RGS6: variants seen among roughly 807,000 people sequenced by gnomAD.
RGS6 encodes regulator of G protein signaling 6, also known as regulator of G-protein signaling 6.
In RGS6, 30 loss-of-function variants were observed where a neutral mutation model predicts 78.5. The observed-to-expected ratio is 0.38, with a 90% CI of 0.29 to 0.52. The LOEUF is 0.52. Ranked by LOEUF, RGS6 falls within the 20% of genes least tolerant of loss-of-function variation. The probability of loss-of-function intolerance (pLI) is 0.85; values close to 1 mark genes in which losing one functional copy is unlikely to be tolerated. For missense variants in RGS6, 495 were observed against 609.7 expected, an observed-to-expected ratio of 0.81 and a Z score of 1.98; for synonymous variants, 206 against 206.0, an observed-to-expected ratio of 1.00 and a Z score of 0.00.
At chr14:72,122,736 T>A (rs75329418) in intron 2 of RGS6, among the ~76,000 whole-genome samples, 10,039 of 145,658 alleles carry the variant, frequency 0.069, 402 homozygotes, top group Non-Finnish European at 0.097. Flanking sequence ...GGTTCTAAGT[T>A]ATCGTTTTTT....
At chr14:71,885,120 C>T in the RGS6 span, among the ~76,000 whole-genome samples, 2 of 152,194 alleles carry the variant, frequency 1.3e-5, no homozygotes, top group Non-Finnish European at 2.9e-5. Context: ...TTCCTTTACC[C>T]TCTTGAACCC....
chr14:71,924,342 C>CA, the RGS6 span, among the ~76,000 whole-genome samples: 1 of 152,314 alleles, frequency 6.6e-6, no homozygotes, highest in African/African-American at 2.4e-5. Context: ...ATCATTACTA[C>CA]AGTCAAGCAA....
chr14:71,904,314 CT>C, the RGS6 span, among the ~76,000 whole-genome samples: 49 of 152,340 alleles, frequency 3.2e-4, 1 homozygote, highest in African/African-American at 9.9e-4. Flanking sequence ...ATTTTCACCC[CT>C]GACACAGGGA....
intron 2 of RGS6, among the ~76,000 whole-genome samples, chr14:72,058,744 T>A (rs2093745057): frequency 6.6e-6 from 1 of 152,196 alleles, no homozygotes; most frequent in African/African-American, 2.4e-5. Context: ...CTATGTGATG[T>A]TGTGTCAATT....
chr14:72,510,226 G>A lies in RGS6; in HGVS notation c.1038G>A (p.Gly346=). 6.2e-7 allele frequency: 1 copy of A among 1,614,208 alleles called. No individual in the cohort carries two copies. The highest frequency in any genetic ancestry group is 2.2e-5 in the East Asian group (1 of 44,892). ...SFDEILKDQV[G]RDQFLRFLES... ...ATGAGATATTGAAGGACCAGGTGGG[G>A]CGGGACCAGTTTCTACGATTCCTGG... is the stretch of plus-strand genomic sequence containing the variant. The change falls in exon 14 of 18, where the codon GGG becomes GGA. Residue 346 remains glycine (G), a synonymous_variant. Coordinates refer to ENST00000553525, the MANE Select transcript of RGS6 (RefSeq NM_001204424.2).
At chr14:72,579,990 C>T in the RGS6 span, among the ~76,000 whole-genome samples, 1 of 152,182 alleles carries the variant, frequency 6.6e-6, no homozygotes, top group African/African-American at 2.4e-5. Flanking sequence ...GGAATAATAT[C>T]AGCTTATCAG....
chr14:72,198,025 T>C (rs569205225), intron 2 of RGS6, among the ~76,000 whole-genome samples: 2 of 152,338 alleles, frequency 1.3e-5, no homozygotes, highest in Admixed American at 6.5e-5. Flanking sequence ...CAGTATAATT[T>C]AGTCTCCATA....
chr14:72,017,861 TGC>T (rs2087407835), intron 2 of RGS6, among the ~76,000 whole-genome samples: 1 of 152,192 alleles, frequency 6.6e-6, no homozygotes, highest in Admixed American at 6.5e-5. Flanking sequence ...CATGGTGGTT[TGC>T]TGCACACATC....
chr14:72,150,995 T>C (rs1173770432), intron 2 of RGS6, among the ~76,000 whole-genome samples: 1 of 152,178 alleles, frequency 6.6e-6, no homozygotes, highest in African/African-American at 2.4e-5. Context: ...TAGAGCATAT[T>C]TTCTTCATGG....
At chr14:72,140,896 C>G (rs1350392486) in intron 2 of RGS6, among the ~76,000 whole-genome samples, 1 of 152,254 alleles carries the variant, frequency 6.6e-6, no homozygotes, top group East Asian at 1.9e-4. Flanking sequence ...TAAGCTTGGA[C>G]TTGGTCCCCA....
At chr14:71,908,301 G>T in the RGS6 span, 2 of 152,204 alleles carry the variant, frequency 1.3e-5, no homozygotes, top group African/African-American at 4.8e-5. Context: ...GTGATGAAGC[G>T]GAACAGCAAG....
At chr14:72,303,234 C>G (rs1006529693) in intron 2 of RGS6, among the ~76,000 whole-genome samples, 1 of 152,206 alleles carries the variant, frequency 6.6e-6, no homozygotes, top group Non-Finnish European at 1.5e-5. Context: ...GGTGTGGTGG[C>G]TCACGCTTGT....
intron 2 of RGS6, among the ~76,000 whole-genome samples, chr14:72,300,706 C>G (rs891224846): frequency 2.6e-5 from 4 of 152,170 alleles, no homozygotes; most frequent in Admixed American, 6.5e-5. Flanking sequence ...CTGAGTCTGG[C>G]GTCTCCTTGA....
chr14:72,193,733 A>T (rs2039310905), intron 2 of RGS6, among the ~76,000 whole-genome samples: 2 of 152,312 alleles, frequency 1.3e-5, no homozygotes, highest in South Asian at 4.1e-4. Context: ...GTGACATTTG[A>T]GCAGAGACAT....
intron 2 of RGS6, among the ~76,000 whole-genome samples, chr14:72,121,814 A>G (rs745432293): frequency 1.3e-5 from 2 of 152,184 alleles, no homozygotes; most frequent in African/African-American, 2.4e-5. Flanking sequence ...CTGGAACTGC[A>G]TCTTCACCAT....
chr14:72,433,868 G>A (rs979078802), intron 3 of RGS6, among the ~76,000 whole-genome samples: 1 of 152,210 alleles, frequency 6.6e-6, no homozygotes, highest in African/African-American at 2.4e-5. Flanking sequence ...AGGTTGCTGT[G>A]CATACAAATG....
intron 3 of RGS6, among the ~76,000 whole-genome samples, chr14:72,405,406 A>G (rs193229911): frequency 8.5e-4 from 130 of 152,286 alleles, no homozygotes; most frequent in African/African-American, 3.0e-3. Flanking sequence ...ACATTTCCTT[A>G]ATTATTTAAA....
chr14:72,120,747 A>C (rs1440819792), intron 2 of RGS6, among the ~76,000 whole-genome samples: 1 of 152,150 alleles, frequency 6.6e-6, no homozygotes, highest in Non-Finnish European at 1.5e-5. Context: ...AACATGTAAA[A>C]CGAATCTAGG....
chr14:72,195,340 G>A (rs1180894896), intron 2 of RGS6, among the ~76,000 whole-genome samples: 1 of 152,208 alleles, frequency 6.6e-6, no homozygotes, highest in African/African-American at 2.4e-5. Flanking sequence ...ACAATACCAA[G>A]TAGATAGTTG....
Sources: gnomAD v4.1 joint callset for allele counts (sites outside exome capture counted in the v4.1 genomes callset) on GRCh38, gnomAD v4.1.1 for gene constraint, MANE v1.5 for transcripts, NCBI Gene and HGNC (gene_info 2026-07-23, HGNC 2026-07-21) for gene names.